The following CIT variants were observed in gnomAD, a reference collection of about 807,000 sequenced individuals.
CIT encodes citron Rho-interacting kinase.
CIT carries 79 observed loss-of-function variants against 272.7 expected under a neutral mutation model. The observed-to-expected ratio is 0.29, with a 90% CI of 0.24 to 0.35. CIT has a LOEUF of 0.35. CIT is among the 10% of genes least tolerant of loss of function. The pLI is 1.00. For missense variants in CIT, 1,909 were observed against 2,618.3 expected, an observed-to-expected ratio of 0.73 and a Z score of 5.91; for synonymous variants, 948 against 995.6, an observed-to-expected ratio of 0.95 and a Z score of 0.90.
chr12:119,692,178 G>A (rs1424009485), intron 46 of CIT, among the ~76,000 whole-genome samples: 2 of 152,214 alleles, frequency 1.3e-5, no homozygotes, highest in Non-Finnish European at 2.9e-5. Flanking sequence ...GCCGGGCACA[G>A]TGATGCATGC....
chr12:119,850,475 G>A (rs1192163856), intron 4 of CIT, among the ~76,000 whole-genome samples, 200 bp from the exon 5 acceptor site: 1 of 150,002 alleles, frequency 6.7e-6, no homozygotes. Flanking sequence ...GGAAGGGAAA[G>A]GGAAGGAAAG....
At chr12:119,821,923 T>C (rs888859515) in intron 9 of CIT, among the ~76,000 whole-genome samples, 1 of 152,176 alleles carries the variant, frequency 6.6e-6, no homozygotes, top group African/African-American at 2.4e-5. Flanking sequence ...ATCAAAATGG[T>C]TTACAACTGG....
In CIT at chr12:119,743,134, C is replaced by T. The variant is rs1382730538; in HGVS notation, c.2905-670G>A. ...GTGGAAGGATATAGGCATCCATGAC[C>T]CATGCCTTCATTCTGGTGACGGAAG... On this transcript the variant is annotated intron_variant, in intron 23 of 47. Transcript: ENST00000392521. Among the ~76,000 whole-genome samples, 4 of 152,002 alleles carry T rather than the reference C, an allele frequency of 2.6e-5. No homozygotes were observed. The East Asian group carries it at 5.8e-4, about 22-fold the overall frequency.
Position 119,708,175 on chromosome 12 carries a change from T to C in CIT, c.5211+4A>G. On this transcript the variant is annotated splice_donor_region_variant and intron_variant, in intron 40 of 47. Coordinates refer to ENST00000392521, the MANE Select transcript of CIT (RefSeq NM_001206999.2). ...CACCAGCTAGGACTCTGAGGGGAGC[T>C]TACCTTGCCTGCCCCAAACAAGTGG... 6.4e-7 allele frequency: 1 copy of C among 1,564,600 alleles called. No homozygotes were observed. The highest frequency in any genetic ancestry group is 8.7e-7 in the Non-Finnish European group (1 of 1,155,386).
In CIT at chr12:119,803,397, A is replaced by G. The variant is rs1209747942; in HGVS notation, c.1112-8T>C. On this transcript the variant is annotated splice_region_variant and splice_polypyrimidine_tract_variant and intron_variant, in intron 9 of 47. Coordinates refer to ENST00000392521, the MANE Select transcript of CIT (RefSeq NM_001206999.2). ...GAACGAAGGGGGGAGGAGCTGGTTA[A>G]AGAAAAACAAGAAAGGAGGCGGGGA... 4 of 1,531,692 alleles carry G rather than the reference A, an allele frequency of 2.6e-6. No homozygotes were observed. The Admixed American group carries it at 8.8e-5, about 34-fold the overall frequency. The allele number at this position is 1,531,692 out of a possible 1,614,324, so 94.9% of individuals were successfully genotyped here.
chr12:119,808,136 T>C (rs1966714390), intron 9 of CIT, among the ~76,000 whole-genome samples: 1 of 152,180 alleles, frequency 6.6e-6, no homozygotes, highest in Admixed American at 6.5e-5. Flanking sequence ...ATAAATTCTC[T>C]CTCTCTCTTT....
intron 24 of CIT, among the ~76,000 whole-genome samples, chr12:119,737,716 G>T (rs1958853735): frequency 6.6e-6 from 1 of 152,060 alleles, no homozygotes; most frequent in South Asian, 2.1e-4. Flanking sequence ...TCTATATTTG[G>T]TCATCATCTC....
intron 32 of CIT, among the ~76,000 whole-genome samples, chr12:119,717,668 G>C (rs1346610773): frequency 6.8e-6 from 1 of 147,952 alleles, no homozygotes; most frequent in Non-Finnish European, 1.5e-5. Flanking sequence ...TGATCCGCCT[G>C]CCTCAGCATC....
chr12:119,709,134 T>C (rs1165554536), intron 39 of CIT, among the ~76,000 whole-genome samples: 3 of 152,206 alleles, frequency 2.0e-5, no homozygotes, highest in African/African-American at 4.8e-5. Flanking sequence ...ACTTGTATTA[T>C]AGTAAGGGTA....
chr12:119,771,360 G>C (rs1401756513), intron 17 of CIT, among the ~76,000 whole-genome samples: 4 of 152,142 alleles, frequency 2.6e-5, no homozygotes, highest in African/African-American at 9.7e-5. Context: ...CTCTGGAGGG[G>C]GGTGGTATAT....
chr12:119,862,807 C>G (rs1454576719), intron 3 of CIT, among the ~76,000 whole-genome samples: 1 of 13,980 alleles, frequency 7.2e-5, no homozygotes, highest in Non-Finnish European at 1.1e-4. Context: ...AAGACTCTAC[C>G]TAAAAAAAAA....
chr12:119,831,077 G>A (rs1968589607), intron 7 of CIT, among the ~76,000 whole-genome samples: 1 of 152,022 alleles, frequency 6.6e-6, no homozygotes. Flanking sequence ...TGTTGCCCAG[G>A]CTGGTCTCAA....
Position 119,804,310 on chromosome 12 carries a change from C to G in CIT, c.1112-921G>C, listed in dbSNP as rs1207312559. On this transcript the variant is annotated intron_variant, in intron 9 of 47. Transcript: ENST00000392521. The surrounding 1 kb of genome is among the most constrained non-coding windows in gnomAD (Gnocchi z 5.3). ...GCGGTGGGCTCCCGGGGGTGTCCCC[C>G]GCCAGAAACGTTACCATGGTTGCAA... 1.0e-6 allele frequency: 1 copy of G among 985,566 alleles called. No individual in the cohort carries two copies. The allele number at this position is 985,566 out of a possible 1,614,324, so 61.1% of individuals were successfully genotyped here.
rs763536384 is a variant in CIT at position 119,701,815 on chromosome 12, C to A, written c.5413+35G>T. 3 of 1,614,102 alleles carry A rather than the reference C, an allele frequency of 1.9e-6. No homozygotes were observed. In the South Asian group the frequency reaches 3.3e-5, roughly 18 times the overall value. On this transcript the variant is annotated intron_variant, in intron 42 of 47. Transcript: ENST00000392521. ...GTTCTGAGTCTCAGCGCGGCCTGAG[C>A]CATGGGTGGGTGCGAAAGTGGAGGT...
intron 9 of CIT, among the ~76,000 whole-genome samples, chr12:119,814,684 T>C (rs1287074074): frequency 6.6e-6 from 1 of 152,036 alleles, no homozygotes; most frequent in Non-Finnish European, 1.5e-5. Flanking sequence ...ACCCTTCAAA[T>C]GACAGGAAGC....
At chr12:119,801,783 G>A (rs1237512562) in intron 10 of CIT, among the ~76,000 whole-genome samples, 1 of 152,184 alleles carries the variant, frequency 6.6e-6, no homozygotes, top group Non-Finnish European at 1.5e-5. Flanking sequence ...CAGCTAGTTA[G>A]CACTCTGCCT....
chr12:119,778,651 C>G (rs1039818866), intron 13 of CIT, among the ~76,000 whole-genome samples: 18 of 151,984 alleles, frequency 1.2e-4, no homozygotes, highest in African/African-American at 3.6e-4. Context: ...CGCCCCCCCC[C>G]CAGAGCATAT....
At chr12:119,861,054 G>A (rs1450040001) in intron 3 of CIT, among the ~76,000 whole-genome samples, 2 of 151,842 alleles carry the variant, frequency 1.3e-5, no homozygotes, top group African/African-American at 2.4e-5. Context: ...CAGGGAGACA[G>A]AGGTTGCAGT....
chr12:119,730,360 G>T (rs1958370184), intron 27 of CIT, 135 bp downstream of exon 27: 1 of 1,068,240 alleles, frequency 9.4e-7, no homozygotes. Flanking sequence ...AAAACCATGG[G>T]ACATTTTTGG....
Sources: gnomAD v4.1 joint callset for allele counts (sites outside exome capture counted in the v4.1 genomes callset) on GRCh38, gnomAD v4.1.1 for gene constraint, Gnocchi (gnomAD v3.1) non-coding constraint, MANE v1.5 for transcripts, NCBI Gene and HGNC (gene_info 2026-07-23, HGNC 2026-07-21) for gene names.